The following MTR variants were observed in gnomAD, a reference collection of about 807,000 sequenced individuals.
The protein encoded by MTR is 5-methyltetrahydrofolate-homocysteine methyltransferase.
A neutral mutation model predicts 154.8 loss-of-function variants in MTR; 84 were observed. The ratio of observed to expected loss-of-function variants is 0.54; its 90% CI spans 0.45 to 0.65. MTR has a LOEUF of 0.65. Ranked by LOEUF, MTR falls within the 30% of genes least tolerant of loss-of-function variation. The probability of loss-of-function intolerance (pLI) is 0.00; values close to 1 mark genes in which losing one functional copy is unlikely to be tolerated. For synonymous variants in MTR, 554 were observed against 553.9 expected (o/e 1.00, Z 0.00); for missense variants, 1,275 against 1,570.2 (o/e 0.81, Z 3.18).
intron 2 of MTR, among the ~76,000 whole-genome samples, chr1:236,804,932 A>G (rs1660894547): frequency 6.6e-6 from 1 of 151,952 alleles, no homozygotes; most frequent in Non-Finnish European, 1.5e-5. Flanking sequence ...TTACTTAACA[A>G]TACTTTGCAG....
intron 18 of MTR, among the ~76,000 whole-genome samples, chr1:236,853,462 T>C (rs971072364): frequency 2.0e-5 from 3 of 152,244 alleles, no homozygotes; most frequent in Non-Finnish European, 4.4e-5. Flanking sequence ...GATTTTGTTA[T>C]AACCTTTAAG....
chr1:236,900,083 C>G lies in MTR; in HGVS notation c.*2439C>G. 1 of 308,838 alleles carries G rather than the reference C, an allele frequency of 3.2e-6. No individual in the cohort carries two copies. Among genetic ancestry groups the G allele is most frequent in the Middle Eastern group, 4.0e-4 (1 of 2,526 alleles). The allele number at this position is 308,838 out of a possible 1,614,324, so 19.1% of individuals were successfully genotyped here. ...CACCTGTATGTCCAGCAAACTCTTG[C>G]ATGTGGCCACTAGGAGGAATGTGTA... On this transcript the variant is annotated 3_prime_UTR_variant, in exon 33 of 33. Coordinates refer to ENST00000366577, the MANE Select transcript of MTR (RefSeq NM_000254.3).
chr1:236,874,967 T>C (rs1665349963), intron 24 of MTR, 121 bp downstream of exon 24: 1 of 1,128,010 alleles, frequency 8.9e-7, no homozygotes, highest in East Asian at 2.6e-5. Context: ...GACTTTTTGT[T>C]ATATAAACAC....
chr1:236,834,090 C>T (rs865854452), intron 13 of MTR, among the ~76,000 whole-genome samples: 2 of 152,192 alleles, frequency 1.3e-5, no homozygotes, highest in Non-Finnish European at 1.5e-5. Context: ...CTTCAAGAAC[C>T]AGGATTGTGA....
At chr1:236,886,132 G>C (rs112120531) in intron 26 of MTR, among the ~76,000 whole-genome samples, 160 bp from the exon 27 acceptor site, 2 of 152,210 alleles carry the variant, frequency 1.3e-5, no homozygotes, top group Non-Finnish European at 2.9e-5. Context: ...ATGTGAAACC[G>C]ACTGGGTAGA....
intron 16 of MTR, 145 bp downstream of exon 16, chr1:236,850,668 A>T (rs1022236041): frequency 6.2e-6 from 5 of 810,300 alleles, no homozygotes; most frequent in African/African-American, 5.2e-5. Context: ...AATGTAGGAG[A>T]CCTTATTTTT....
chr1:236,827,364 T>G (rs1313710822), intron 11 of MTR, among the ~76,000 whole-genome samples: 1 of 152,228 alleles, frequency 6.6e-6, no homozygotes, highest in Non-Finnish European at 1.5e-5. Flanking sequence ...CACCTTTATA[T>G]TATGAAACAT....
In MTR at chr1:236,891,323, G is replaced by A. The variant is rs773736593; in HGVS notation, c.3198G>A (p.Arg1066=). The change falls in exon 29 of 33, where the codon AGG becomes AGA. Residue 1066 remains arginine, a synonymous_variant. Coordinates refer to ENST00000366577, the MANE Select transcript of MTR (RefSeq NM_000254.3). ...CCATAGCCACCTTCTATGGGTTAAG[G>A]CAACAGGTATGGAAGGTGTACTGAC... ...AEPIATFYGL[R]QQAEKDSAST... 6.8e-6 allele frequency: 11 copies of A among 1,613,920 alleles called. No individual in the cohort carries two copies. The highest frequency in any genetic ancestry group is 5.9e-6 in the Non-Finnish European group (7 of 1,179,980).
In MTR at chr1:236,795,353, C is replaced by T. The variant is rs1324155322; in HGVS notation, c.-351C>T. The T allele has an allele frequency of 3.7e-6, 5 of 1,340,162 alleles. No homozygotes were observed. Among genetic ancestry groups the T allele is most frequent in the South Asian group, 2.5e-5 (2 of 79,642 alleles). The allele number at this position is 1,340,162 out of a possible 1,614,324, so 83.0% of individuals were successfully genotyped here. On this transcript the variant is annotated 5_prime_UTR_variant, in exon 1 of 33. Transcript: ENST00000366577. ...CGGGGCTCAGAGCCGGATGTCACGT[C>T]GTCCTCCTCTGCCGGTTTTCTCTTG... is the stretch of plus-strand genomic sequence containing the variant.
Position 236,850,315 on chromosome 1 carries a change from C to G in MTR, c.1516-29C>G, listed in dbSNP as rs560317799. Reference sequence around the variant, plus strand: ...ATTTTAATAGATAATTTTTCTATTTCAAACTACATCTTTTGCTCTTTTCCC... The same window carrying G: ...ATTTTAATAGATAATTTTTCTATTTGAAACTACATCTTTTGCTCTTTTCCC... On this transcript the variant is annotated intron_variant, in intron 15 of 32. Transcript: ENST00000366577. 9.6e-6 allele frequency: 15 copies of G among 1,561,522 alleles called. 1 individual carries two copies. In the South Asian group the frequency reaches 1.8e-4, roughly 19 times the overall value.
At chr1:236,823,193 A>G (rs2103090264) in intron 8 of MTR, among the ~76,000 whole-genome samples, 1 of 152,328 alleles carries the variant, frequency 6.6e-6, no homozygotes, top group East Asian at 1.9e-4. Flanking sequence ...AGAGTATATT[A>G]CTATAGGTTG....
chr1:236,803,171 C>T (rs769428765), intron 1 of MTR, among the ~76,000 whole-genome samples: 24 of 152,138 alleles, frequency 1.6e-4, no homozygotes, highest in Non-Finnish European at 2.9e-4. Context: ...ATCTGTAAAA[C>T]AGGAGTAGTG....
At chr1:236,806,672 C>T (rs758140050) in intron 3 of MTR, among the ~76,000 whole-genome samples, 10 of 152,226 alleles carry the variant, frequency 6.6e-5, no homozygotes, top group Non-Finnish European at 8.8e-5. Context: ...CTATCATCAC[C>T]ACTGTCCATT....
In MTR at chr1:236,889,174, C is replaced by T. The variant is rs1233643439; in HGVS notation, c.2852-7C>T. ...TCAGCATTGACAACCATACTTCTCT[C>T]CTGTAGTGAAGCCCACGTTTATTGG... On this transcript the variant is annotated splice_polypyrimidine_tract_variant and splice_region_variant and intron_variant, in intron 27 of 32. Transcript: ENST00000366577. 6.2e-7 allele frequency: 1 copy of T among 1,614,078 alleles called. No homozygotes were observed. Among genetic ancestry groups the T allele is most frequent in the Non-Finnish European group, 8.5e-7 (1 of 1,180,006 alleles).
intron 22 of MTR, among the ~76,000 whole-genome samples, chr1:236,869,334 G>A (rs946272465): frequency 3.9e-5 from 6 of 152,008 alleles, no homozygotes; most frequent in African/African-American, 1.5e-4. Flanking sequence ...TTAAATGCTT[G>A]CTCTCATAGC....
intron 4 of MTR, 63 bp downstream of exon 4, chr1:236,808,836 G>A: frequency 1.3e-6 from 2 of 1,485,474 alleles, no homozygotes; most frequent in Non-Finnish European, 1.9e-6. Flanking sequence ...GCTATAATGT[G>A]CTGTCCTTAT....
At chr1:236,889,495 G>A (rs1024742411) in intron 28 of MTR, among the ~76,000 whole-genome samples, 159 bp downstream of exon 28, 1 of 152,188 alleles carries the variant, frequency 6.6e-6, no homozygotes, top group Admixed American at 6.5e-5. Flanking sequence ...TTTTCAATCT[G>A]CTAGATTGGT....
At chr1:236,806,760 G>A (rs1661008389) in intron 3 of MTR, among the ~76,000 whole-genome samples, 1 of 151,970 alleles carries the variant, frequency 6.6e-6, no homozygotes, top group Non-Finnish European at 1.5e-5. Context: ...CCCAACTCCA[G>A]CCCCAGCATA....
Position 236,901,709 on chromosome 1 carries a change from A to G in MTR, c.*4065A>G, listed in dbSNP as rs6677090. On this transcript the variant is annotated 3_prime_UTR_variant, in exon 33 of 33. Transcript: ENST00000366577. Reference sequence around the variant, plus strand: ...AGCGGCCAGCTTCTCATGTTCTCACAGTGGGTGGAGGGTAAGCTTGCTCTC... The same window carrying G: ...AGCGGCCAGCTTCTCATGTTCTCACGGTGGGTGGAGGGTAAGCTTGCTCTC... The G allele has an allele frequency of 0.061, 9,280 of 152,262 alleles. 789 individuals carry two copies. The highest frequency in any genetic ancestry group is 0.2 in the East Asian group (1,054 of 5,176). 9.4% of individuals were successfully genotyped at this position (152,262 alleles called of 1,614,324 possible).
Sources: allele counts gnomAD v4.1 joint callset (sites outside exome capture counted in the v4.1 genomes callset), GRCh38; gene constraint gnomAD v4.1.1; transcripts MANE v1.5; gene names NCBI Gene and HGNC (gene_info 2026-07-23, HGNC 2026-07-21).